Variants in DPH1 observed in about 807,000 individuals in gnomAD.
DPH1 encodes the protein diphthamide biosynthesis 1, also known as 2-(3-amino-3-carboxypropyl)histidine synthase subunit 1.
A neutral mutation model predicts 55.3 loss-of-function variants in DPH1; 59 were observed. That is an observed-to-expected ratio of 1.07 (90% CI 0.87 to 1.33). The LOEUF (loss-of-function observed/expected upper bound fraction) is 1.33. DPH1 is among the 40% of genes most tolerant of loss of function. The pLI is 0.00. For missense variants in DPH1, 628 were observed against 584.8 expected (o/e 1.07, Z -0.76); for synonymous variants, 238 against 235.5 (o/e 1.01, Z -0.10).
Position 2,033,618 on chromosome 17 carries a change from A to G in DPH1, c.175A>G (p.Lys59Glu). The G allele has an allele frequency of 6.2e-7, 1 of 1,614,216 alleles. No individual in the cohort carries two copies. The highest frequency in any genetic ancestry group is 8.5e-7 in the Non-Finnish European group (1 of 1,180,026). The change falls in exon 2 of 13, where the codon AAG (lysine) becomes GAG (glutamate). Residue 59 changes from lysine (K) to glutamate (E), a missense_variant. Lys to Glu is a moderately conservative substitution (Grantham distance 56, BLOSUM62 1). Transcript: ENST00000263083. ...LPSNYNFEIP[K>E]TIWRIQQAQA... is the part of the protein sequence containing the mutation. ...TTCCAACTACAACTTTGAGATCCCC[A>G]AGACCATCTGGAGGATCCAACAAGC...
rs769439688 is a variant in DPH1, at chr17:2,033,525, G to A, written c.82G>A (p.Val28Met). The A allele has an allele frequency of 4.0e-5, 64 of 1,614,028 alleles. No homozygotes were observed. The highest frequency in any genetic ancestry group is 8.9e-5 in the East Asian group (4 of 44,890). The change falls in exon 2 of 13, where the codon GTG becomes ATG. Residue 28 changes from valine (V) to methionine (M), a missense_variant. By Grantham distance (21) the Val-to-Met change is conservative. Coordinates refer to ENST00000263083, the MANE Select transcript of DPH1 (RefSeq NM_001383.6). ...TCTAGGTCGGGCCCCTCGGGGCCGCGTGGCCAATCAGATCCCCCCTGAGAT... is the reference window on the plus strand; with the variant it reads ...TCTAGGTCGGGCCCCTCGGGGCCGCATGGCCAATCAGATCCCCCCTGAGAT... ...PGRGRAPRGR[V>M]ANQIPPEILK... is the part of the protein sequence containing the mutation.
chr17:2,030,278 G>T, intron 1 of DPH1, 48 bp downstream of exon 1: 1 of 1,534,282 alleles, frequency 6.5e-7, no homozygotes, highest in Non-Finnish European at 8.8e-7. Flanking sequence ...CTCGGGGCGG[G>T]GCCCCCAAGT....
Position 2,033,553 on chromosome 17 carries a change from T to C in DPH1, c.110T>C (p.Leu37Pro). 6.2e-7 allele frequency: 1 copy of C among 1,614,188 alleles called. No homozygotes were observed. The highest frequency in any genetic ancestry group is 8.5e-7 in the Non-Finnish European group (1 of 1,180,026). ...GCCAATCAGATCCCCCCTGAGATCC[T>C]GAAGAACCCTCAGCTGCAGGCAGCA... ...RVANQIPPEI[L>P]KNPQLQAAIR... is the part of the protein sequence containing the mutation. Residue 37 changes from leucine to proline, a missense_variant, in exon 2 of 13, where the codon CTG becomes CCG. Transcript: ENST00000263083.
chr17:2,040,201 G>T lies in DPH1; in HGVS notation c.750-17G>T, dbSNP rs1424219974. The stretch of plus-strand genomic sequence containing the variant: ...TGACAGTGGCTGCCACAGTGACCCT[G>T]ACTGCTTCTTTTCCAGGTATGACCC... On this transcript the variant is annotated splice_polypyrimidine_tract_variant and intron_variant, in intron 7 of 12. Coordinates refer to ENST00000263083, the MANE Select transcript of DPH1 (RefSeq NM_001383.6). 9.9e-6 allele frequency: 16 copies of T among 1,612,972 alleles called. No individual in the cohort carries two copies. The highest frequency in any genetic ancestry group is 1.1e-5 in the Non-Finnish European group (13 of 1,179,848).
Position 2,043,841 on chromosome 17 carries a change from C to G in DPH1, c.*1255C>G, listed in dbSNP as rs2067587366. 6.6e-6 allele frequency among the ~76,000 whole-genome samples: 1 copy of G among 152,136 alleles called. No homozygotes were observed. Among genetic ancestry groups the G allele is most frequent in the Non-Finnish European group, 1.5e-5 (1 of 68,032 alleles). On this transcript the variant is annotated 3_prime_UTR_variant, in exon 13 of 13. Coordinates refer to ENST00000263083, the MANE Select transcript of DPH1 (RefSeq NM_001383.6). ...GCCTGAAGGGTGGGTCGATGCCAGACCTTAGGTGGAGGCCAAAGACAGTAC... is the reference window on the plus strand; with the variant it reads ...GCCTGAAGGGTGGGTCGATGCCAGAGCTTAGGTGGAGGCCAAAGACAGTAC...
At chr17:2,035,576 G>T (rs1041440698) in intron 3 of DPH1, among the ~76,000 whole-genome samples, 3 of 152,056 alleles carry the variant, frequency 2.0e-5, no homozygotes, top group African/African-American at 7.2e-5. Context: ...ATACAGCCAC[G>T]CCCATGCCCA....
intron 12 of DPH1, 58 bp from the exon 13 acceptor site, chr17:2,042,547 T>C (rs1357968680): frequency 8.1e-6 from 12 of 1,483,934 alleles, no homozygotes; most frequent in Non-Finnish European, 9.8e-6. Flanking sequence ...TTCTCATTTC[T>C]TTCCTTCCTG....
rs749220856 is a variant in DPH1, at chr17:2,042,207, C to T, written c.*18+332C>T. The T allele has an allele frequency of 1.3e-4, 181 of 1,432,116 alleles. No homozygotes were observed. The highest frequency in any genetic ancestry group is 1.6e-4 in the Non-Finnish European group (177 of 1,100,360). 88.7% of individuals were successfully genotyped at this position (1,432,116 alleles called of 1,614,324 possible). A position where few individuals can be genotyped will look rare whatever the true frequency, so the allele number is the denominator to read the frequency against. On this transcript the variant is annotated intron_variant, in intron 12 of 12. Transcript: ENST00000263083. Reference sequence around the variant, plus strand: ...GCACCCGGTCCCCGACCCCCCGGGCCCCGAGGGCGCCAGATCAGACTTCGG... The same window carrying T: ...GCACCCGGTCCCCGACCCCCCGGGCTCCGAGGGCGCCAGATCAGACTTCGG...
chr17:2,040,699 C>T, intron 9 of DPH1, 94 bp downstream of exon 9: 1 of 1,407,778 alleles, frequency 7.1e-7, no homozygotes, highest in East Asian at 2.3e-5. Flanking sequence ...GGAATTGCTT[C>T]CATGGTCATG....
chr17:2,038,048 G>A (rs575365873), intron 6 of DPH1, among the ~76,000 whole-genome samples: 11 of 150,112 alleles, frequency 7.3e-5, no homozygotes, highest in South Asian at 4.2e-4. Flanking sequence ...AGTGGCTCAC[G>A]CCTGTAATCT....
chr17:2,040,524 G>A lies in DPH1; in HGVS notation c.926G>A (p.Arg309Gln), dbSNP rs61757361. 26,201 of 1,614,138 alleles carry A rather than the reference G, an allele frequency of 0.016. 262 individuals are homozygous for A. The highest frequency in any genetic ancestry group is 0.019 in the Non-Finnish European group (22,769 of 1,180,032). Residue 309 changes from arginine to glutamine, a missense_variant, in exon 9 of 13, where the codon CGA becomes CAA. Physicochemically the swap from Arg to Gln is conservative, Grantham distance 43. Transcript: ENST00000263083. ...KILEHLESRLRALGLSFVRLL... is the reference protein window; with the variant it reads ...KILEHLESRLQALGLSFVRLL... The stretch of plus-strand genomic sequence containing the variant: ...CAACAGCACCTGGAATCTCGACTCC[G>A]AGCCTTGGGCCTTTCCTTTGTGAGG...
At position 2,036,050 on chromosome 17, in the gene DPH1, T is replaced by C. The variant is rs200530055; in HGVS notation, c.359T>C (p.Leu120Pro). 800 of 1,613,970 alleles carry C rather than the reference T, an allele frequency of 5.0e-4. No individual in the cohort carries two copies. Among genetic ancestry groups the C allele is most frequent in the Admixed American group, 7.7e-4 (46 of 59,988 alleles). ...GTGGATGACTTCACAGCGAGGGCCC[T>C]GGGAGCTGACTTCTTGGTGCACTAC... ...CCVDDFTARALGADFLVHYGH... is the reference protein window; with the variant it reads ...CCVDDFTARAPGADFLVHYGH... The change falls in exon 4 of 13, where the codon CTG becomes CCG. Residue 120 changes from leucine (L) to proline (P), a missense_variant. By Grantham distance (98) the Leu-to-Pro change is moderately conservative. Transcript: ENST00000263083. This position sits in a 1 kb window ranked among gnomAD's most constrained non-coding sequence, Gnocchi z 4.8.
In DPH1 at chr17:2,040,531, G is replaced by C. The variant is rs201891404; in HGVS notation, c.933G>C (p.Leu311Phe). 104 of 1,614,180 alleles carry C rather than the reference G, an allele frequency of 6.4e-5. No homozygotes were observed. The African/African-American group carries it at 1.3e-3, about 20-fold the overall frequency. ...ACCTGGAATCTCGACTCCGAGCCTT[G>C]GGCCTTTCCTTTGTGAGGCTGCTGC... ...LEHLESRLRA[L>F]GLSFVRLLLS... Residue 311 changes from leucine to phenylalanine, a missense_variant, in exon 9 of 13, where the codon TTG becomes TTC. Leu to Phe is a conservative substitution (Grantham distance 22, BLOSUM62 0). Transcript: ENST00000263083.
chr17:2,036,669 T>A lies in DPH1; in HGVS notation c.541T>A (p.Phe181Ile). ...TALALVSTIQ[F>I]VSTLQAAAQE... ...CCTTGCCCTGGTCAGCACCATTCAG[T>A]TTGTGTCGACCTTGCAGGTGGGTGG... Residue 181 changes from phenylalanine (F) to isoleucine (I), a missense_variant, in exon 5 of 13, where the codon TTT becomes ATT. Coordinates refer to ENST00000263083, the MANE Select transcript of DPH1 (RefSeq NM_001383.6). This position sits in a 1 kb window ranked among gnomAD's most constrained non-coding sequence, Gnocchi z 4.8. 6.2e-7 allele frequency: 1 copy of A among 1,614,068 alleles called. No individual in the cohort carries two copies. The highest frequency in any genetic ancestry group is 8.5e-7 in the Non-Finnish European group (1 of 1,180,004).
rs969706846 is a variant in DPH1, at chr17:2,030,158, C to T, written c.-12C>T. 7 of 1,601,554 alleles carry T rather than the reference C, an allele frequency of 4.4e-6. No individual in the cohort carries two copies. The Admixed American group carries it at 1.0e-4, about 24-fold the overall frequency. On this transcript the variant is annotated 5_prime_UTR_variant, in exon 1 of 13. Coordinates refer to ENST00000263083, the MANE Select transcript of DPH1 (RefSeq NM_001383.6). Reference sequence around the variant, plus strand: ...AGCGCTGTCTTTTTAGTACCACATGCGCAGGCAGGTGATGGCGGCGCTGGT... The same window carrying T: ...AGCGCTGTCTTTTTAGTACCACATGTGCAGGCAGGTGATGGCGGCGCTGGT...
chr17:2,036,131 G>T lies in DPH1; in HGVS notation c.400+40G>T. The T allele has an allele frequency of 6.2e-7, 1 of 1,607,980 alleles. No homozygotes were observed. The highest frequency in any genetic ancestry group is 8.5e-7 in the Non-Finnish European group (1 of 1,176,628). ...GGACACCTGGACGGTGGCGGGGCTG[G>T]CAGGGAGGCAGGCTGCACATTCATC... On this transcript the variant is annotated intron_variant, in intron 4 of 12. Coordinates refer to ENST00000263083, the MANE Select transcript of DPH1 (RefSeq NM_001383.6). The surrounding 1 kb of genome is among the most constrained non-coding windows in gnomAD (Gnocchi z 4.8).
chr17:2,040,812 G>A (rs2067506911), intron 9 of DPH1: 2 of 645,780 alleles, frequency 3.1e-6, no homozygotes, highest in Admixed American at 5.5e-5. Flanking sequence ...ATTTGTCCTT[G>A]TGAGATGAGT....
Position 2,030,182 on chromosome 17 carries a change from G to C in DPH1, c.13G>C (p.Val5Leu). MAAL[V>L]VSGAAEQGGR... ...GCGCAGGCAGGTGATGGCGGCGCTG[G>C]TCGTATCCGGGGCAGCGGAGCAGGG... is the stretch of plus-strand genomic sequence containing the variant. Residue 5 changes from valine to leucine, a missense_variant, in exon 1 of 13, where the codon GTC becomes CTC. By Grantham distance (32) the Val-to-Leu change is conservative. Transcript: ENST00000263083. 6.2e-7 allele frequency: 1 copy of C among 1,603,132 alleles called. No homozygotes were observed. Among genetic ancestry groups the C allele is most frequent in the Non-Finnish European group, 8.5e-7 (1 of 1,175,956 alleles).
intron 2 of DPH1, 25 bp downstream of exon 2, chr17:2,033,682 G>T (rs1567542668): frequency 6.2e-7 from 1 of 1,613,642 alleles, no homozygotes; most frequent in African/African-American, 1.3e-5. Context: ...ATTGAGCTGG[G>T]GTTGGGGTGG....
Sources: gnomAD v4.1 joint callset for allele counts (sites outside exome capture counted in the v4.1 genomes callset) on GRCh38, gnomAD v4.1.1 for gene constraint, Gnocchi (gnomAD v3.1) non-coding constraint, MANE v1.5 for transcripts, NCBI Gene and HGNC (gene_info 2026-07-23, HGNC 2026-07-21) for gene names.